SOX5: variants seen among roughly 807,000 people sequenced by gnomAD.
The protein encoded by SOX5 is transcription factor SOX-5.
A neutral mutation model predicts 92.0 loss-of-function variants in SOX5; 9 were observed. That is an observed-to-expected ratio of 0.10 (90% confidence interval 0.06 to 0.17). The LOEUF (loss-of-function observed/expected upper bound fraction) is 0.17. Among genes scored for constraint, SOX5 ranks in the 10% least tolerant of loss-of-function variants. The probability of loss-of-function intolerance (pLI) is 1.00; values close to 1 mark genes in which losing one functional copy is unlikely to be tolerated. For synonymous variants in SOX5, 344 were observed against 336.3 expected, an observed-to-expected ratio of 1.02 and a Z score of -0.25; for missense variants, 642 against 944.5, an observed-to-expected ratio of 0.68 and a Z score of 4.20.
chr12:24,127,926 G>C (rs1309229173), intron 4 of SOX5, among the ~76,000 whole-genome samples: 1 of 152,170 alleles, frequency 6.6e-6, no homozygotes, highest in East Asian at 1.9e-4. Context: ...ATTTCCCTTA[G>C]GGAAATAGAT....
At chr12:24,097,308 C>G (rs1219780571) in intron 4 of SOX5, among the ~76,000 whole-genome samples, 1 of 152,062 alleles carries the variant, frequency 6.6e-6, no homozygotes, top group Non-Finnish European at 1.5e-5. Flanking sequence ...TACTTTCTCC[C>G]ACTCTGTGGG....
intron 3 of SOX5, among the ~76,000 whole-genome samples, chr12:23,844,412 C>G (rs1308149194): frequency 6.6e-6 from 1 of 152,112 alleles, no homozygotes. Context: ...TGAAAATAAA[C>G]ACTAAAAAAC....
intron 4 of SOX5, among the ~76,000 whole-genome samples, chr12:24,070,686 A>G (rs1403460117): frequency 1.3e-5 from 2 of 152,196 alleles, no homozygotes; most frequent in African/African-American, 4.8e-5. Context: ...AAAATGTAAT[A>G]TGGTATTTAT....
At chr12:24,259,375 C>T (rs959036797) in intron 3 of SOX5, among the ~76,000 whole-genome samples, 1 of 152,194 alleles carries the variant, frequency 6.6e-6, no homozygotes, top group Non-Finnish European at 1.5e-5. Context: ...TTTACATATA[C>T]ACGCATATTG....
intron 4 of SOX5, among the ~76,000 whole-genome samples, chr12:24,205,334 T>C (rs896766280): frequency 6.6e-6 from 1 of 152,204 alleles, no homozygotes; most frequent in Non-Finnish European, 1.5e-5. Context: ...CAAATATAAA[T>C]GAGCATTTCC....
intron 4 of SOX5, among the ~76,000 whole-genome samples, chr12:24,169,523 A>T (rs1953821087): frequency 6.6e-6 from 1 of 152,224 alleles, no homozygotes; most frequent in Non-Finnish European, 1.5e-5. Context: ...TTACTCGGCC[A>T]TGATCTTCAT....
intron 3 of SOX5, among the ~76,000 whole-genome samples, chr12:23,764,568 C>A (rs964569626): frequency 6.6e-6 from 1 of 151,960 alleles, no homozygotes; most frequent in Non-Finnish European, 1.5e-5. Context: ...AAAAAACTAC[C>A]TAAATATGTA....
At chr12:24,427,349 G>C (rs17430842) in intron 1 of SOX5, among the ~76,000 whole-genome samples, 1 of 152,136 alleles carries the variant, frequency 6.6e-6, no homozygotes, top group African/African-American at 2.4e-5. Flanking sequence ...CTTATTTAAC[G>C]GGGTGGAAGT....
At chr12:23,542,594 A>G (rs988465208) in intron 13 of SOX5, among the ~76,000 whole-genome samples, 3 of 152,174 alleles carry the variant, frequency 2.0e-5, no homozygotes, top group Non-Finnish European at 4.4e-5. Flanking sequence ...GAATGTTGCA[A>G]TGGCAGAAAA....
chr12:24,312,382 C>T (rs1363973760), intron 2 of SOX5, among the ~76,000 whole-genome samples: 3 of 152,146 alleles, frequency 2.0e-5, no homozygotes, highest in African/African-American at 7.2e-5. Context: ...CATTGCAATC[C>T]CTCCAATTGC....
rs149098283 is a variant in SOX5 at position 24,030,415 on chromosome 12, A to C, written c.-1-134391T>G. Among the ~76,000 whole-genome samples, 658 of 152,032 alleles carry C rather than the reference A, an allele frequency of 4.3e-3. 4 individuals are homozygous for C. Among genetic ancestry groups the C allele is most frequent in the Middle Eastern group, 0.01 (3 of 294 alleles). On this transcript the variant is annotated intron_variant, in intron 4 of 4. Transcript: ENST00000446891. ...GGCATTTGCAGCCAACTGACTTTTG[A>C]CAGAAGTGCCAAAAATATATAATGA...
intron 1 of SOX5, among the ~76,000 whole-genome samples, chr12:24,441,821 A>G (rs1391087229): frequency 6.6e-6 from 1 of 152,226 alleles, no homozygotes; most frequent in African/African-American, 2.4e-5. Flanking sequence ...ATACTAACCC[A>G]GTCTGTTGGA....
At chr12:23,932,669 T>A (rs1180404723) in intron 1 of SOX5, among the ~76,000 whole-genome samples, 1 of 151,298 alleles carries the variant, frequency 6.6e-6, no homozygotes, top group Non-Finnish European at 1.5e-5. Context: ...TTGTTTTTTA[T>A]TTTTTTTGAA....
At chr12:24,322,814 CCAGA>C (rs1396340496) in intron 2 of SOX5, among the ~76,000 whole-genome samples, 1 of 151,864 alleles carries the variant, frequency 6.6e-6, no homozygotes, top group Non-Finnish European at 1.5e-5. Flanking sequence ...AGAGTGTGGA[CCAGA>C]CAAAGTATCA....
intron 1 of SOX5, among the ~76,000 whole-genome samples, chr12:24,399,717 C>T (rs1961049069): frequency 6.6e-6 from 1 of 152,208 alleles, no homozygotes; most frequent in South Asian, 2.1e-4. Context: ...GGAAGCTTTG[C>T]TTTCCAAAGA....
intron 2 of SOX5, among the ~76,000 whole-genome samples, chr12:24,291,675 T>C (rs527959012): frequency 6.6e-5 from 10 of 152,254 alleles, no homozygotes; most frequent in Admixed American, 2.0e-4. Context: ...AGTATGTTCA[T>C]ATAGGTTCTA....
At chr12:23,575,092 C>T (rs149705083) in intron 10 of SOX5, among the ~76,000 whole-genome samples, 57 of 152,240 alleles carry the variant, frequency 3.7e-4, no homozygotes, top group African/African-American at 1.2e-3. Flanking sequence ...AAATCATTGA[C>T]TTTTTCAAAG....
intron 2 of SOX5, among the ~76,000 whole-genome samples, chr12:23,880,570 T>A (rs897756772): frequency 2.0e-5 from 3 of 152,212 alleles, no homozygotes; most frequent in Non-Finnish European, 2.9e-5. Context: ...CTTTTCTCTC[T>A]CATTCTCCCT....
At chr12:24,521,803 C>T (rs1950285939) in intron 1 of SOX5, among the ~76,000 whole-genome samples, 1 of 151,458 alleles carries the variant, frequency 6.6e-6, no homozygotes, top group Non-Finnish European at 1.5e-5. Flanking sequence ...TGGGATGAAG[C>T]AAAAGAAGTA....
Sources: allele counts gnomAD v4.1 joint callset (sites outside exome capture counted in the v4.1 genomes callset), GRCh38; gene constraint gnomAD v4.1.1; transcripts MANE v1.5; gene names NCBI Gene and HGNC (gene_info 2026-07-23, HGNC 2026-07-21).